Variants in PPFIA2 observed in about 807,000 individuals in gnomAD.
PPFIA2 encodes PPFI scaffold protein A2, also known as liprin-alpha-2.
A neutral mutation model predicts 175.5 loss-of-function variants in PPFIA2; 46 were observed. The observed-to-expected ratio is 0.26, with a 90% CI of 0.21 to 0.34. PPFIA2 has a LOEUF of 0.34. PPFIA2 is among the 10% of genes least tolerant of loss of function. The probability of loss-of-function intolerance (pLI) is 1.00; values close to 1 mark genes in which losing one functional copy is unlikely to be tolerated. For synonymous variants in PPFIA2, 568 were observed against 511.4 expected, an observed-to-expected ratio of 1.11 and a Z score of -1.49; for missense variants, 1,179 against 1,506.1, an observed-to-expected ratio of 0.78 and a Z score of 3.60.
chr12:81,343,841 G>A (rs2058579970), intron 19 of PPFIA2, among the ~76,000 whole-genome samples: 1 of 151,922 alleles, frequency 6.6e-6, no homozygotes, highest in Admixed American at 6.6e-5. Flanking sequence ...TGATGCTCTG[G>A]CATCTGGAGA....
chr12:81,597,727 G>A (rs1376225121), intron 4 of PPFIA2, among the ~76,000 whole-genome samples: 1 of 108,442 alleles, frequency 9.2e-6, no homozygotes. Flanking sequence ...AAATTCCTGT[G>A]GAAAATTGTG....
At chr12:81,724,952 T>TTCCC (rs2079857806) in intron 3 of PPFIA2, among the ~76,000 whole-genome samples, 1 of 151,104 alleles carries the variant, frequency 6.6e-6, no homozygotes, top group Admixed American at 6.6e-5. Context: ...ATGAACAGTG[T>TTCCC]ATAATAGGTC....
intron 4 of PPFIA2, among the ~76,000 whole-genome samples, chr12:81,553,154 C>T (rs146069684): frequency 1.1e-4 from 17 of 151,690 alleles, no homozygotes; most frequent in East Asian, 9.7e-4. Context: ...GTATCTTAGG[C>T]GAGCTGTAAT....
chr12:81,545,156 C>G (rs1395532528), intron 4 of PPFIA2, among the ~76,000 whole-genome samples: 1 of 151,774 alleles, frequency 6.6e-6, no homozygotes, highest in East Asian at 1.9e-4. Context: ...CATATGCATG[C>G]TACACTAACT....
At chr12:81,632,646 T>G (rs1408257173) in intron 4 of PPFIA2, among the ~76,000 whole-genome samples, 1 of 151,130 alleles carries the variant, frequency 6.6e-6, no homozygotes, top group Admixed American at 6.5e-5. Flanking sequence ...TTACCTTTCT[T>G]TAACTCCTGG....
chr12:81,529,037 A>G (rs922541955), intron 4 of PPFIA2, among the ~76,000 whole-genome samples: 2 of 152,036 alleles, frequency 1.3e-5, no homozygotes, highest in South Asian at 4.1e-4. Flanking sequence ...ATTTTAGAAG[A>G]AGAAATGAAA....
At chr12:81,555,415 T>G (rs1259427620) in intron 4 of PPFIA2, among the ~76,000 whole-genome samples, 1 of 151,958 alleles carries the variant, frequency 6.6e-6, no homozygotes, top group Non-Finnish European at 1.5e-5. Flanking sequence ...CTTAGTCAAA[T>G]GACATTTTAT....
intron 8 of PPFIA2, among the ~76,000 whole-genome samples, chr12:81,396,991 A>C (rs1397084505): frequency 6.6e-6 from 1 of 152,038 alleles, no homozygotes; most frequent in Non-Finnish European, 1.5e-5. Flanking sequence ...CTGGAAAGGC[A>C]AAGTTTTCAT....
At chr12:81,570,539 G>T (rs1458965593) in intron 4 of PPFIA2, among the ~76,000 whole-genome samples, 1 of 151,906 alleles carries the variant, frequency 6.6e-6, no homozygotes, top group Non-Finnish European at 1.5e-5. Context: ...ATTATCTATT[G>T]TGTGTCTTTT....
At chr12:81,744,783 T>C (rs972027631) in intron 3 of PPFIA2, among the ~76,000 whole-genome samples, 5 of 152,332 alleles carry the variant, frequency 3.3e-5, no homozygotes, top group Admixed American at 2.0e-4. Context: ...AGGACTTTAA[T>C]ACTTCTTTTA....
chr12:81,596,693 T>C lies in PPFIA2; in HGVS notation c.303+80098A>G, dbSNP rs780392911. On this transcript the variant is annotated intron_variant, in intron 4 of 32. Transcript: ENST00000549396. ...GCTACCCAAAGAGCCAGCTGCAGGATATTGTAAGAGGTGTTCATATCTCAG... is the reference window on the plus strand; with the variant it reads ...GCTACCCAAAGAGCCAGCTGCAGGACATTGTAAGAGGTGTTCATATCTCAG... Among the ~76,000 whole-genome samples, 109 of 152,082 alleles carry C rather than the reference T, an allele frequency of 7.2e-4. 1 individual carries two copies. The highest frequency in any genetic ancestry group is 5.2e-4 in the Admixed American group (8 of 15,244).
chr12:81,303,320 C>T (rs1205015397), intron 22 of PPFIA2, among the ~76,000 whole-genome samples: 2 of 151,990 alleles, frequency 1.3e-5, no homozygotes, highest in African/African-American at 2.4e-5. Flanking sequence ...CCATCTTTTC[C>T]CAAAGGATCA....
chr12:81,619,417 T>G (rs1180448345), intron 4 of PPFIA2, among the ~76,000 whole-genome samples: 1 of 152,178 alleles, frequency 6.6e-6, no homozygotes, highest in Non-Finnish European at 1.5e-5. Flanking sequence ...AATTTCTACC[T>G]GGACATGACC....
chr12:81,425,125 G>A (rs1435993103), intron 7 of PPFIA2, among the ~76,000 whole-genome samples: 1 of 152,124 alleles, frequency 6.6e-6, no homozygotes, highest in African/African-American at 2.4e-5. Context: ...TTTTAAAGGT[G>A]ATTAGATAAT....
chr12:81,742,389 G>A (rs1302926279), intron 3 of PPFIA2, among the ~76,000 whole-genome samples: 2 of 152,166 alleles, frequency 1.3e-5, no homozygotes, highest in South Asian at 2.1e-4. Flanking sequence ...CTAGGATGGA[G>A]TTGCAGAGGT....
chr12:81,544,655 G>T (rs1163815295), intron 4 of PPFIA2, among the ~76,000 whole-genome samples: 1 of 152,056 alleles, frequency 6.6e-6, no homozygotes, highest in East Asian at 1.9e-4. Flanking sequence ...ACAGAGAACT[G>T]CATGCTTTTG....
intron 22 of PPFIA2, among the ~76,000 whole-genome samples, chr12:81,317,087 A>G (rs1226184670): frequency 6.6e-6 from 1 of 151,712 alleles, no homozygotes; most frequent in Non-Finnish European, 1.5e-5. Flanking sequence ...CAACTAATCA[A>G]TGTGATTATT....
chr12:81,638,682 C>CTT (rs869311003), intron 4 of PPFIA2, among the ~76,000 whole-genome samples: 1,805 of 72,702 alleles, frequency 0.025, 165 homozygotes, highest in Admixed American at 0.039. Flanking sequence ...CATAAATTTT[C>CTT]TTTTTTTTTT....
chr12:81,266,802 A>C, intron 30 of PPFIA2, 150 bp downstream of exon 30: 1 of 652,574 alleles, frequency 1.5e-6, no homozygotes, highest in Non-Finnish European at 2.7e-6. Flanking sequence ...ATAAGATTGA[A>C]TATTTAACAA....
Sources: allele counts gnomAD v4.1 joint callset (sites outside exome capture counted in the v4.1 genomes callset), GRCh38; gene constraint gnomAD v4.1.1; transcripts MANE v1.5; gene names NCBI Gene and HGNC (gene_info 2026-07-23, HGNC 2026-07-21).